Variants in L3MBTL4 observed in about 807,000 individuals in gnomAD.
L3MBTL4 encodes L3MBTL histone methyl-lysine binding protein 4.
L3MBTL4 carries 70 observed loss-of-function variants against 84.5 expected under a neutral mutation model. That is an observed-to-expected ratio of 0.83 (90% confidence interval 0.68 to 1.01). L3MBTL4 has a LOEUF of 1.01. Ranked by LOEUF, L3MBTL4 falls within the 50% of genes least tolerant of loss-of-function variation. L3MBTL4 has a pLI of 0.00. For missense variants in L3MBTL4, 715 were observed against 754.8 expected (o/e 0.95, Z 0.62); for synonymous variants, 274 against 259.8 (o/e 1.05, Z -0.52).
chr18:5,964,362 G>A (rs537463171), intron 17 of L3MBTL4, among the ~76,000 whole-genome samples: 5 of 152,252 alleles, frequency 3.3e-5, no homozygotes, highest in African/African-American at 9.6e-5. Flanking sequence ...TTCTTCCGTG[G>A]GGCTGCCGCT....
intron 14 of L3MBTL4, among the ~76,000 whole-genome samples, chr18:6,095,673 C>T (rs2058618371): frequency 6.6e-6 from 1 of 151,864 alleles, no homozygotes; most frequent in African/African-American, 2.4e-5. Context: ...TTAACACCAT[C>T]AAAAAAAGAA....
At chr18:6,071,761 A>AGAAAG (rs1555645500) in intron 16 of L3MBTL4, among the ~76,000 whole-genome samples, 1 of 92,156 alleles carries the variant, frequency 1.1e-5, no homozygotes, top group Non-Finnish European at 2.1e-5. Context: ...AAGAAAGAAA[A>AGAAAG]AAAGAAAGAA....
intron 14 of L3MBTL4, among the ~76,000 whole-genome samples, chr18:6,114,704 T>G (rs745766683): frequency 2.0e-5 from 3 of 152,246 alleles, no homozygotes; most frequent in Non-Finnish European, 4.4e-5. Flanking sequence ...CATTATTTGC[T>G]TCTTAATATT....
intron 16 of L3MBTL4, chr18:6,029,753 C>A: frequency 1.0e-6 from 1 of 985,132 alleles, no homozygotes; most frequent in Non-Finnish European, 1.2e-6. Context: ...AATTAACCAA[C>A]TGGAATGGAA....
At chr18:6,182,893 T>G (rs2044543825) in intron 12 of L3MBTL4, among the ~76,000 whole-genome samples, 1 of 152,054 alleles carries the variant, frequency 6.6e-6, no homozygotes, top group Admixed American at 6.5e-5. Flanking sequence ...TGAAAATAAC[T>G]TATTTAAATA....
At chr18:5,961,675 C>G (rs922773390) in intron 17 of L3MBTL4, among the ~76,000 whole-genome samples, 1 of 152,224 alleles carries the variant, frequency 6.6e-6, no homozygotes, top group African/African-American at 2.4e-5. Context: ...TAGTGAGTGC[C>G]TCTGCTGGCC....
intron 12 of L3MBTL4, among the ~76,000 whole-genome samples, chr18:6,207,357 C>A (rs887772614): frequency 6.6e-6 from 1 of 152,216 alleles, no homozygotes; most frequent in Non-Finnish European, 1.5e-5. Flanking sequence ...CACTTATAAG[C>A]TGTGCAACCT....
chr18:6,274,776 C>T (rs531480335), intron 4 of L3MBTL4, among the ~76,000 whole-genome samples: 10 of 152,236 alleles, frequency 6.6e-5, no homozygotes, highest in Non-Finnish European at 1.2e-4. Context: ...TCATGGCGCA[C>T]GCAGGCATGA....
chr18:6,169,684 TG>T (rs1393775333), intron 13 of L3MBTL4, among the ~76,000 whole-genome samples: 19 of 45,264 alleles, frequency 4.2e-4, no homozygotes, highest in African/African-American at 1.6e-3. Context: ...TGTTGTGGGG[TG>T]GGGGGAGGGG....
intron 16 of L3MBTL4, among the ~76,000 whole-genome samples, chr18:6,011,441 G>A (rs1267335859): frequency 1.3e-5 from 2 of 152,180 alleles, no homozygotes; most frequent in Non-Finnish European, 2.9e-5. Flanking sequence ...TGGAATTCAA[G>A]GGAAAATTAG....
chr18:6,230,292 C>T (rs1039837394), intron 10 of L3MBTL4, among the ~76,000 whole-genome samples: 1 of 152,084 alleles, frequency 6.6e-6, no homozygotes, highest in Non-Finnish European at 1.5e-5. Flanking sequence ...TCCATGTATA[C>T]TCAATGTTTA....
intron 5 of L3MBTL4, among the ~76,000 whole-genome samples, chr18:6,248,446 C>T (rs2047779743): frequency 6.6e-6 from 1 of 152,100 alleles, no homozygotes; most frequent in East Asian, 1.9e-4. Context: ...GCTTTCAGTT[C>T]TTAATGATTT....
chr18:6,118,865 T>C (rs1598809911), intron 14 of L3MBTL4, among the ~76,000 whole-genome samples: 1 of 152,162 alleles, frequency 6.6e-6, no homozygotes, highest in Admixed American at 6.5e-5. Context: ...GGGTTTGCAA[T>C]GTGTTTGCAT....
At chr18:6,244,615 G>A in intron 5 of L3MBTL4, 27 bp from the exon 6 acceptor site, 2 of 1,448,988 alleles carry the variant, frequency 1.4e-6, no homozygotes, top group Non-Finnish European at 9.7e-7. Flanking sequence ...CATAACATTA[G>A]CCACTGAGAT....
chr18:6,283,259 A>G (rs2049404612), intron 4 of L3MBTL4, among the ~76,000 whole-genome samples: 1 of 152,206 alleles, frequency 6.6e-6, no homozygotes. Flanking sequence ...AACTATTGGC[A>G]AAAATCTATT....
chr18:6,048,883 GA>G (rs2056737998), intron 16 of L3MBTL4, among the ~76,000 whole-genome samples: 1 of 152,084 alleles, frequency 6.6e-6, no homozygotes, highest in Non-Finnish European at 1.5e-5. Context: ...AAGCAATGGG[GA>G]AAAGACTTTA....
At chr18:6,042,849 A>G (rs1029256890) in intron 16 of L3MBTL4, among the ~76,000 whole-genome samples, 1 of 152,084 alleles carries the variant, frequency 6.6e-6, no homozygotes, top group Non-Finnish European at 1.5e-5. Flanking sequence ...CTCAAACCTC[A>G]CTTCAGAGGT....
chr18:6,382,065 T>G (rs1250967943), intron 1 of L3MBTL4, among the ~76,000 whole-genome samples: 1 of 152,296 alleles, frequency 6.6e-6, no homozygotes, highest in South Asian at 2.1e-4. Flanking sequence ...TGTCTTCACA[T>G]TTTATTTCAT....
intron 12 of L3MBTL4, among the ~76,000 whole-genome samples, chr18:6,189,078 T>C (rs1469380113): frequency 1.3e-5 from 2 of 152,206 alleles, no homozygotes; most frequent in Non-Finnish European, 2.9e-5. Flanking sequence ...CCACACTCCA[T>C]CTGGGAACAT....
Sources: gnomAD v4.1 joint callset for allele counts (sites outside exome capture counted in the v4.1 genomes callset) on GRCh38, gnomAD v4.1.1 for gene constraint, MANE v1.5 for transcripts, NCBI Gene and HGNC (gene_info 2026-07-23, HGNC 2026-07-21) for gene names.